RBM25: variants seen among roughly 807,000 people sequenced by gnomAD.
RBM25 encodes the protein RNA binding motif protein 25.
In RBM25, 19 loss-of-function variants were observed where a neutral mutation model predicts 120.7. That is an observed-to-expected ratio of 0.16 (90% CI 0.11 to 0.23). The LOEUF (loss-of-function observed/expected upper bound fraction) is 0.23. RBM25 is among the 10% of genes least tolerant of loss of function. The pLI is 1.00. For synonymous variants in RBM25, 390 were observed against 326.7 expected (o/e 1.19, Z -2.09); for missense variants, 605 against 1,041.5 (o/e 0.58, Z 5.77).
At chr14:73,091,049 C>T (rs143869257) in intron 6 of RBM25, among the ~76,000 whole-genome samples, 33 of 152,256 alleles carry the variant, frequency 2.2e-4, no homozygotes, top group Admixed American at 9.8e-4. Flanking sequence ...TCAAAGTGTT[C>T]TGATTTGCTA....
chr14:73,111,740 A>C lies in RBM25; in HGVS notation c.2230A>C (p.Lys744Gln), dbSNP rs1267013499. The C allele has an allele frequency of 6.2e-7, 1 of 1,613,878 alleles. No homozygotes were observed. The highest frequency in any genetic ancestry group is 8.5e-7 in the Non-Finnish European group (1 of 1,179,988). Residue 744 changes from lysine (K) to glutamine (Q), a missense_variant, in exon 16 of 19, where the codon AAA (lysine) becomes CAA (glutamine). Lys to Gln is a moderately conservative substitution (Grantham distance 53, BLOSUM62 1). Around this residue, in one of 4 missense-constraint regions of RBM25, gnomAD observed 465 missense variants for 741.6 expected, o/e 0.63. Coordinates refer to ENST00000261973, the MANE Select transcript of RBM25 (RefSeq NM_021239.3). ...KRKHIKSLIE[K>Q]IPTAKPELFA... is the part of the protein sequence containing the mutation. ...TAAACACATTAAGAGTCTCATTGAG[A>C]AAATCCCTACAGCCAAACCTGAGCT...
intron 6 of RBM25, chr14:73,088,441 C>G (rs1895738679): frequency 1.8e-6 from 1 of 542,516 alleles, no homozygotes; most frequent in East Asian, 4.5e-5. Context: ...CAGACTATTC[C>G]AAACAGAGCT....
At chr14:73,061,776 C>T (rs1227218139) in intron 1 of RBM25, among the ~76,000 whole-genome samples, 1 of 151,230 alleles carries the variant, frequency 6.6e-6, no homozygotes, top group East Asian at 1.9e-4. Context: ...CCATGTTGCC[C>T]AGGCGGGTCT....
intron 17 of RBM25, among the ~76,000 whole-genome samples, chr14:73,113,886 TC>T (rs1424935080): frequency 9.2e-5 from 14 of 152,252 alleles, no homozygotes; most frequent in Admixed American, 5.9e-4. Context: ...TCCCATTGTC[TC>T]CTGAAAACAT....
chr14:73,087,854 C>A, intron 5 of RBM25, 147 bp from the exon 6 acceptor site: 1 of 713,920 alleles, frequency 1.4e-6, no homozygotes, highest in Non-Finnish European at 2.2e-6. Flanking sequence ...AAATGGTTAT[C>A]AAAGGGAATT....
chr14:73,078,575 A>T (rs1895480541), intron 4 of RBM25, among the ~76,000 whole-genome samples: 1 of 152,114 alleles, frequency 6.6e-6, no homozygotes, highest in Admixed American at 6.6e-5. Context: ...TAATATTAAT[A>T]GTTGTTTTAT....
rs141605855 is a variant in RBM25, at chr14:73,078,629, A to T, written c.324+1093A>T. ...TGAAAGATTTTTATTTACTTTTGAG[A>T]CAGATTTGCTCTGTCACACAGGCTG... On this transcript the variant is annotated intron_variant, in intron 4 of 18. Transcript: ENST00000261973. Among the ~76,000 whole-genome samples the T allele has an allele frequency of 9.3e-4, 141 of 152,180 alleles. 1 individual carries two copies. The highest frequency in any genetic ancestry group is 1.1e-3 in the African/African-American group (44 of 41,516).
chr14:73,100,282 A>AC, intron 9 of RBM25: 1 of 682,418 alleles, frequency 1.5e-6, no homozygotes, highest in Non-Finnish European at 2.7e-6. Context: ...CTATTCATTG[A>AC]CCCCCACCAT....
rs1895514212 is a variant in RBM25 at position 73,079,716 on chromosome 14, G to T, written c.324+2180G>T. Among the ~76,000 whole-genome samples, 3 of 150,660 alleles carry T rather than the reference G, an allele frequency of 2.0e-5. No individual in the cohort carries two copies. In the South Asian group the frequency reaches 6.3e-4, roughly 31 times the overall value. On this transcript the variant is annotated intron_variant, in intron 4 of 18. Transcript: ENST00000261973. ...AACTATTCATATTTAAGAAATTCCT[G>T]TTCTTTTAGAAGACTGGATCTCCTG... is the stretch of plus-strand genomic sequence containing the variant.
At chr14:73,078,182 A>G (rs181988517) in intron 4 of RBM25, among the ~76,000 whole-genome samples, 2 of 152,250 alleles carry the variant, frequency 1.3e-5, no homozygotes, top group Non-Finnish European at 2.9e-5. Flanking sequence ...GTGTGCCTGT[A>G]ATCTCAGCTA....
intron 2 of RBM25, among the ~76,000 whole-genome samples, chr14:73,071,979 C>A (rs1402888112): frequency 1.4e-5 from 2 of 143,446 alleles, no homozygotes; most frequent in Non-Finnish European, 3.1e-5. Flanking sequence ...TTAAAAAATT[C>A]TTTTTTTTTT....
At chr14:73,118,424 A>G (rs1896477952) in intron 18 of RBM25, among the ~76,000 whole-genome samples, 1 of 151,458 alleles carries the variant, frequency 6.6e-6, no homozygotes, top group South Asian at 2.1e-4. Flanking sequence ...GCTGTAGTGC[A>G]CCATGATCAT....
At chr14:73,068,435 A>G in intron 1 of RBM25, 2 of 699,182 alleles carry the variant, frequency 2.9e-6, no homozygotes. Context: ...AGACTTATTC[A>G]GACTACCAGC....
intron 9 of RBM25, 192 bp from the exon 10 acceptor site, chr14:73,103,000 A>T (rs1896084822): frequency 1.7e-6 from 2 of 1,195,996 alleles, no homozygotes; most frequent in Admixed American, 2.5e-5. Flanking sequence ...TGTGTAGAGT[A>T]TATGGTTTTG....
intron 1 of RBM25, among the ~76,000 whole-genome samples, chr14:73,063,456 T>C (rs1895053645): frequency 6.6e-6 from 1 of 151,382 alleles, no homozygotes; most frequent in Non-Finnish European, 1.5e-5. Context: ...GCCCGGAGTT[T>C]CATACTTAGC....
chr14:73,081,643 T>G (rs1895566842), intron 4 of RBM25, among the ~76,000 whole-genome samples: 2 of 152,216 alleles, frequency 1.3e-5, no homozygotes, highest in Non-Finnish European at 2.9e-5. Context: ...ACATGGTATA[T>G]ATGGGTATGT....
In RBM25 at chr14:73,105,759, A is replaced by G. The variant is rs146432814; in HGVS notation, c.1155-100A>G. 4,121 of 1,515,878 alleles carry G rather than the reference A, an allele frequency of 2.7e-3. 8 individuals are homozygous for G. Among genetic ancestry groups the G allele is most frequent in the Non-Finnish European group, 3.3e-3 (3,771 of 1,131,886 alleles). The allele number at this position is 1,515,878 out of a possible 1,614,324, so 93.9% of individuals were successfully genotyped here. On this transcript the variant is annotated intron_variant, in intron 10 of 18. Transcript: ENST00000261973. ...ATCAAGTGCTAGATTCTGGCCTGTG[A>G]GATTTTATATTATTTCATAATGTAT...
Position 73,111,693 on chromosome 14 carries a change from C to T in RBM25, c.2183C>T (p.Thr728Ile). ...GEDDKNATKG[T>I]VNTEEKRKHI... Reference sequence around the variant, plus strand: ...GATGATAAAAATGCAACCAAAGGCACTGTAAACACTGAAGAAAAGCGTAAA... The same window carrying T: ...GATGATAAAAATGCAACCAAAGGCATTGTAAACACTGAAGAAAAGCGTAAA... The change falls in exon 16 of 19, where the codon ACT becomes ATT. Residue 728 changes from threonine to isoleucine, a missense_variant. Coordinates refer to ENST00000261973, the MANE Select transcript of RBM25 (RefSeq NM_021239.3). The T allele has an allele frequency of 6.2e-7, 1 of 1,614,126 alleles. No individual in the cohort carries two copies. Among genetic ancestry groups the T allele is most frequent in the Non-Finnish European group, 8.5e-7 (1 of 1,180,026 alleles).
At chr14:73,092,061 T>C (rs955321059) in intron 6 of RBM25, among the ~76,000 whole-genome samples, 15 of 152,170 alleles carry the variant, frequency 9.9e-5, no homozygotes, top group Admixed American at 2.0e-4. Flanking sequence ...ATGGCATATT[T>C]TCCTTAAGTG....
Sources: allele counts gnomAD v4.1 joint callset (sites outside exome capture counted in the v4.1 genomes callset), GRCh38; gene constraint gnomAD v4.1.1; regional missense constraint gnomAD v4.1.1; transcripts MANE v1.5; gene names NCBI Gene and HGNC (gene_info 2026-07-23, HGNC 2026-07-21).